SMAP1: variants seen among roughly 807,000 people sequenced by gnomAD.
The protein encoded by SMAP1 is small ArfGAP 1, also known as stromal membrane-associated protein 1.
A neutral mutation model predicts 58.5 loss-of-function variants in SMAP1; 24 were observed. The observed-to-expected ratio is 0.41, with a 90% CI of 0.30 to 0.58. The LOEUF is 0.58. Among genes scored for constraint, SMAP1 ranks in the 20% least tolerant of loss-of-function variants. The pLI is 0.29. For synonymous variants in SMAP1, 216 were observed against 196.6 expected (o/e 1.10, Z -0.82); for missense variants, 563 against 566.3 (o/e 0.99, Z 0.06).
intron 1 of SMAP1, among the ~76,000 whole-genome samples, chr6:70,715,910 A>G (rs998165835): frequency 6.6e-6 from 1 of 152,148 alleles, no homozygotes; most frequent in African/African-American, 2.4e-5. Flanking sequence ...CCCAGTCCCC[A>G]AAGTCCATTG....
chr6:70,784,608 A>T (rs1767919331), intron 4 of SMAP1, among the ~76,000 whole-genome samples: 1 of 152,204 alleles, frequency 6.6e-6, no homozygotes, highest in Admixed American at 6.5e-5. Flanking sequence ...ATGTAGGAAG[A>T]TCTACCAAGC....
intron 1 of SMAP1, among the ~76,000 whole-genome samples, chr6:70,713,592 G>T (rs1161858233): frequency 1.3e-5 from 2 of 152,052 alleles, no homozygotes; most frequent in African/African-American, 4.8e-5. Context: ...CAATTCCATT[G>T]TTGTTGGACA....
chr6:70,786,101 A>G (rs1768013684), intron 4 of SMAP1, among the ~76,000 whole-genome samples: 1 of 152,174 alleles, frequency 6.6e-6, no homozygotes, highest in East Asian at 1.9e-4. Context: ...AAGCTTATCC[A>G]CCATGATCAA....
At chr6:70,669,592 T>C (rs1766180092) in intron 1 of SMAP1, among the ~76,000 whole-genome samples, 1 of 152,210 alleles carries the variant, frequency 6.6e-6, no homozygotes, top group Non-Finnish European at 1.5e-5. Context: ...TGTGGTTATT[T>C]GGGAGTTCTG....
chr6:70,695,962 T>G (rs1208686910), intron 1 of SMAP1, among the ~76,000 whole-genome samples: 1 of 152,218 alleles, frequency 6.6e-6, no homozygotes, highest in Non-Finnish European at 1.5e-5. Context: ...TTCTTGTTAT[T>G]GGTCTATTTA....
rs577596402 is a variant in SMAP1 at position 70,748,855 on chromosome 6, A to G, written c.253-6125A>G. Among the ~76,000 whole-genome samples the G allele has an allele frequency of 2.2e-3, 339 of 152,156 alleles. 3 individuals are homozygous for G. The South Asian group carries it at 0.025, about 11-fold the overall frequency. On this transcript the variant is annotated intron_variant, in intron 2 of 10. Coordinates refer to ENST00000370455, the MANE Select transcript of SMAP1 (RefSeq NM_001044305.3). Reference sequence around the variant, plus strand: ...GTAACCATATTTATCAGTTTTTTGTATATTTTTCCTCACATATTTTATGCA... The same window carrying G: ...GTAACCATATTTATCAGTTTTTTGTGTATTTTTCCTCACATATTTTATGCA...
intron 1 of SMAP1, among the ~76,000 whole-genome samples, chr6:70,727,019 G>C (rs755746804): frequency 6.7e-6 from 1 of 148,938 alleles, no homozygotes; most frequent in Non-Finnish European, 1.5e-5. Context: ...TCTTCAAGAT[G>C]GGGGGGGCAC....
At chr6:70,686,368 G>A (rs1314105778) in intron 1 of SMAP1, among the ~76,000 whole-genome samples, 1 of 152,064 alleles carries the variant, frequency 6.6e-6, no homozygotes, top group East Asian at 1.9e-4. Context: ...CAACTTATGT[G>A]GTCTGTGAAG....
chr6:70,722,978 A>G (rs1358311348), intron 1 of SMAP1, among the ~76,000 whole-genome samples: 1 of 152,228 alleles, frequency 6.6e-6, no homozygotes, highest in East Asian at 1.9e-4. Context: ...GCCTATCCCC[A>G]GCAGTACCGA....
At chr6:70,765,172 G>A (rs1180672927) in intron 3 of SMAP1, among the ~76,000 whole-genome samples, 1 of 152,176 alleles carries the variant, frequency 6.6e-6, no homozygotes, top group Non-Finnish European at 1.5e-5. Context: ...TTTATGTCCA[G>A]CTTGCGTCCC....
intron 3 of SMAP1, among the ~76,000 whole-genome samples, chr6:70,767,447 C>A (rs954859410): frequency 3.9e-5 from 6 of 152,108 alleles, no homozygotes; most frequent in Non-Finnish European, 7.3e-5. Flanking sequence ...TAGTTCTCCA[C>A]TTGAAGAGGT....
intron 6 of SMAP1, among the ~76,000 whole-genome samples, chr6:70,824,022 T>A (rs1770006988): frequency 6.6e-6 from 1 of 152,108 alleles, no homozygotes; most frequent in African/African-American, 2.4e-5. Context: ...CTCCAGCAGT[T>A]CATCAATTAC....
intron 6 of SMAP1, among the ~76,000 whole-genome samples, chr6:70,808,983 T>G (rs531963770): frequency 1.3e-5 from 2 of 151,792 alleles, no homozygotes; most frequent in Admixed American, 6.6e-5. Context: ...TGGTGGAGTA[T>G]TCTTAGTTTA....
Position 70,856,986 on chromosome 6 carries a change from T to TATC in SMAP1, c.918_920dup (p.Ser307dup). ...AAACAACTTTCCAAAGACTCCATCT[T>TATC]ATCTCTGTATGGCACAGGAACCATT... On this transcript the variant is annotated inframe_insertion, in exon 9 of 11. Coordinates refer to ENST00000370455, the MANE Select transcript of SMAP1 (RefSeq NM_001044305.3). 1 of 1,613,994 alleles carries TATC rather than the reference T, an allele frequency of 6.2e-7. No homozygotes were observed. Among genetic ancestry groups the TATC allele is most frequent in the Non-Finnish European group, 8.5e-7 (1 of 1,179,880 alleles).
chr6:70,828,923 A>G (rs1049733054), intron 6 of SMAP1, among the ~76,000 whole-genome samples: 5 of 152,092 alleles, frequency 3.3e-5, no homozygotes, highest in East Asian at 1.9e-4. Context: ...GTGCATGCCT[A>G]TAGTTCCAGC....
At chr6:70,855,834 T>G (rs1185480500) in intron 8 of SMAP1, among the ~76,000 whole-genome samples, 1 of 152,250 alleles carries the variant, frequency 6.6e-6, no homozygotes, top group Non-Finnish European at 1.5e-5. Context: ...ATTGTGATAT[T>G]TAGTATTCCA....
chr6:70,736,750 T>C (rs1223038458), intron 2 of SMAP1, among the ~76,000 whole-genome samples: 1 of 152,236 alleles, frequency 6.6e-6, no homozygotes, highest in Non-Finnish European at 1.5e-5. Context: ...GTGTTCTTAA[T>C]TCTTTTCTTG....
intron 3 of SMAP1, among the ~76,000 whole-genome samples, chr6:70,767,421 A>T (rs148089675): frequency 0.023 from 3,569 of 151,890 alleles, 52 homozygotes; most frequent in Non-Finnish European, 0.037. Context: ...CTTTTATTTC[A>T]TTGAGCAGTG....
chr6:70,709,401 C>T (rs756374707), intron 1 of SMAP1, among the ~76,000 whole-genome samples: 1 of 152,016 alleles, frequency 6.6e-6, no homozygotes, highest in African/African-American at 2.4e-5. Flanking sequence ...TACAGTAGCA[C>T]GATCATGGCT....
Sources: gnomAD v4.1 joint callset for allele counts (sites outside exome capture counted in the v4.1 genomes callset) on GRCh38, gnomAD v4.1.1 for gene constraint, MANE v1.5 for transcripts, NCBI Gene and HGNC (gene_info 2026-07-23, HGNC 2026-07-21) for gene names.